RABL3: variants seen among roughly 807,000 people sequenced by gnomAD.
The protein encoded by RABL3 is RAB, member of RAS oncogene family like 3, also known as rab-like protein 3.
In RABL3, 31 loss-of-function variants were observed where a neutral mutation model predicts 31.8. That is an observed-to-expected ratio of 0.97 (90% confidence interval 0.73 to 1.31). The LOEUF (loss-of-function observed/expected upper bound fraction) is 1.31, where lower values mean the gene tolerates loss of function less well. Ranked by LOEUF, RABL3 falls within the 40% of genes most tolerant of loss-of-function variation. The probability of loss-of-function intolerance (pLI) is 0.00; values close to 1 mark genes in which losing one functional copy is unlikely to be tolerated. For missense variants in RABL3, 263 were observed against 279.6 expected, an observed-to-expected ratio of 0.94 and a Z score of 0.42; for synonymous variants, 97 against 99.9, an observed-to-expected ratio of 0.97 and a Z score of 0.18.
In RABL3 at chr3:120,689,495, C is replaced by T. The variant is rs1708354046; in HGVS notation, c.*328G>A. 1 of 194,074 alleles carries T rather than the reference C, an allele frequency of 5.2e-6. No individual in the cohort carries two copies. Among genetic ancestry groups the T allele is most frequent in the Admixed American group, 5.9e-5 (1 of 16,954 alleles). 12.0% of individuals were successfully genotyped at this position (194,074 alleles called of 1,614,324 possible). A position where few individuals can be genotyped will look rare whatever the true frequency, so the allele number is the denominator to read the frequency against. ...TGGGAAAATTACAGACCCATAAAAA[C>T]CCTCCAGTTCTAGGCAAGAGTAAAT... On this transcript the variant is annotated 3_prime_UTR_variant, in exon 8 of 8. Transcript: ENST00000273375.
intron 3 of RABL3, among the ~76,000 whole-genome samples, chr3:120,709,134 A>G (rs1257773542): frequency 6.6e-6 from 1 of 151,936 alleles, no homozygotes; most frequent in Non-Finnish European, 1.5e-5. Context: ...TTTAAAAATG[A>G]ATTTTTAAAA....
At position 120,686,425 on chromosome 3, in the gene RABL3, C is replaced by T. The variant is rs1050885671; in HGVS notation, c.*3398G>A. Among the ~76,000 whole-genome samples the T allele has an allele frequency of 2.0e-5, 3 of 152,166 alleles. No individual in the cohort carries two copies. The highest frequency in any genetic ancestry group is 4.4e-5 in the Non-Finnish European group (3 of 68,034). Reference sequence around the variant, plus strand: ...TCTGATTACAAGGAGCAATTAGGAGCTCTTCACCTCAGTCTGATGTCCCTG... The same window carrying T: ...TCTGATTACAAGGAGCAATTAGGAGTTCTTCACCTCAGTCTGATGTCCCTG... On this transcript the variant is annotated 3_prime_UTR_variant, in exon 8 of 8. Coordinates refer to ENST00000273375, the MANE Select transcript of RABL3 (RefSeq NM_173825.5).
chr3:120,686,739 G>C lies in RABL3; in HGVS notation c.*3084C>G, dbSNP rs1050915515. 6.6e-6 allele frequency: 1 copy of C among 152,148 alleles called. No individual in the cohort carries two copies. The highest frequency in any genetic ancestry group is 1.5e-5 in the Non-Finnish European group (1 of 68,032). The allele number at this position is 152,148 out of a possible 1,614,324, so 9.4% of individuals were successfully genotyped here. On this transcript the variant is annotated 3_prime_UTR_variant, in exon 8 of 8. Transcript: ENST00000273375. ...AAGTTTTACATGACAGGAATCTTCAGAAATGAAGACAAAAAAGAAATAGGA... is the reference window on the plus strand; with the variant it reads ...AAGTTTTACATGACAGGAATCTTCACAAATGAAGACAAAAAAGAAATAGGA...
intron 4 of RABL3, among the ~76,000 whole-genome samples, chr3:120,699,563 G>T (rs1405899663): frequency 6.6e-6 from 1 of 152,164 alleles, no homozygotes; most frequent in Non-Finnish European, 1.5e-5. Context: ...CACAATTTAT[G>T]ACAGTAAATC....
chr3:120,685,018 C>G lies in RABL3; in HGVS notation c.*4805G>C, dbSNP rs945037854. 6.6e-6 allele frequency among the ~76,000 whole-genome samples: 1 copy of G among 152,184 alleles called. No individual in the cohort carries two copies. Among genetic ancestry groups the G allele is most frequent in the African/African-American group, 2.4e-5 (1 of 41,440 alleles). The stretch of plus-strand genomic sequence containing the variant: ...TTATTTAACAATTTTTGAAAACCAT[C>G]ACAACATAGTGTAAGTGCTCTGACA... On this transcript the variant is annotated 3_prime_UTR_variant, in exon 8 of 8. Transcript: ENST00000273375.
chr3:120,737,941 G>C (rs1211660547), intron 1 of RABL3, among the ~76,000 whole-genome samples: 3 of 152,212 alleles, frequency 2.0e-5, no homozygotes, highest in Non-Finnish European at 4.4e-5. Flanking sequence ...GCCCCTACTG[G>C]AGGGTGCCTC....
At chr3:120,701,792 A>T (rs1576333674) in intron 4 of RABL3, among the ~76,000 whole-genome samples, 2 of 152,228 alleles carry the variant, frequency 1.3e-5, no homozygotes, top group Admixed American at 1.3e-4. Context: ...TGCTTCAATC[A>T]AAAGATAGAA....
chr3:120,687,547 A>C lies in RABL3; in HGVS notation c.*2276T>G, dbSNP rs956782872. 5 of 152,246 alleles carry C rather than the reference A, an allele frequency of 3.3e-5. No homozygotes were observed. Among genetic ancestry groups the C allele is most frequent in the Non-Finnish European group, 7.3e-5 (5 of 68,028 alleles). 9.4% of individuals were successfully genotyped at this position (152,246 alleles called of 1,614,324 possible). Reference sequence around the variant, plus strand: ...GAAGTCCTAGCAAAAATTGTGCTTCATTCTTTTTTGAATAACTCTAGCTAA... The same window carrying C: ...GAAGTCCTAGCAAAAATTGTGCTTCCTTCTTTTTTGAATAACTCTAGCTAA... On this transcript the variant is annotated 3_prime_UTR_variant, in exon 8 of 8. Coordinates refer to ENST00000273375, the MANE Select transcript of RABL3 (RefSeq NM_173825.5).
At chr3:120,698,685 C>T (rs918980650) in intron 4 of RABL3, 112 bp from the exon 5 acceptor site, 4 of 877,948 alleles carry the variant, frequency 4.6e-6, no homozygotes, top group African/African-American at 3.4e-5. Flanking sequence ...CTGATTTTTG[C>T]TGCCTTCACC....
At chr3:120,732,478 TA>T (rs1328835180) in intron 1 of RABL3, among the ~76,000 whole-genome samples, 1 of 152,180 alleles carries the variant, frequency 6.6e-6, no homozygotes, top group Admixed American at 6.5e-5. Flanking sequence ...TTATTCATCT[TA>T]AAAAAATGAT....
intron 1 of RABL3, among the ~76,000 whole-genome samples, chr3:120,731,263 T>TC (rs940092602): frequency 2.3e-4 from 35 of 152,302 alleles, no homozygotes; most frequent in Admixed American, 1.0e-3. Context: ...TGAGGTCCCC[T>TC]CCATGGCATC....
Position 120,730,703 on chromosome 3 carries a change from T to C in RABL3, c.131A>G (p.Asp44Gly). 6.2e-7 allele frequency: 1 copy of C among 1,609,796 alleles called. No homozygotes were observed. Among genetic ancestry groups the C allele is most frequent in the Non-Finnish European group, 8.5e-7 (1 of 1,177,262 alleles). ...NPSWTVGCSVDVRVHDYKEGT... is the reference protein window; with the variant it reads ...NPSWTVGCSVGVRVHDYKEGT... Reference sequence around the variant, plus strand: ...AATATAAAAGACACATACTCTGACATCCACTGAGCAGCCCACAGTCCATGA... The same window carrying C: ...AATATAAAAGACACATACTCTGACACCCACTGAGCAGCCCACAGTCCATGA... The change falls in exon 2 of 8, where the codon GAT becomes GGT. Residue 44 changes from aspartate (D) to glycine (G), a missense_variant. Asp to Gly is a moderately conservative substitution (Grantham distance 94, BLOSUM62 -1). Transcript: ENST00000273375.
chr3:120,724,762 A>G (rs1455187051), intron 2 of RABL3, among the ~76,000 whole-genome samples: 1 of 152,134 alleles, frequency 6.6e-6, no homozygotes, highest in East Asian at 1.9e-4. Flanking sequence ...GAAAGCTGAA[A>G]CTGGATCCCT....
At chr3:120,737,684 C>T (rs551020488) in intron 1 of RABL3, among the ~76,000 whole-genome samples, 2 of 152,238 alleles carry the variant, frequency 1.3e-5, no homozygotes, top group African/African-American at 2.4e-5. Context: ...ATGATGGAGT[C>T]GGACAGATGG....
intron 5 of RABL3, 88 bp from the exon 6 acceptor site, chr3:120,694,312 T>C (rs1330908057): frequency 5.1e-6 from 4 of 787,000 alleles, no homozygotes; most frequent in South Asian, 1.6e-5. Flanking sequence ...CATATTTCTG[T>C]AGGCATAATA....
intron 2 of RABL3, among the ~76,000 whole-genome samples, chr3:120,716,880 A>C (rs1461573006): frequency 6.6e-6 from 1 of 152,250 alleles, no homozygotes; most frequent in Non-Finnish European, 1.5e-5. Flanking sequence ...AGTGATTTAC[A>C]TGTCCATGAC....
chr3:120,720,603 A>T (rs960191533), intron 2 of RABL3, among the ~76,000 whole-genome samples: 3 of 152,198 alleles, frequency 2.0e-5, no homozygotes, highest in African/African-American at 7.2e-5. Context: ...AGATCAAATG[A>T]ATGAAATGAA....
At chr3:120,741,422 T>A (rs1038871210) in intron 1 of RABL3, among the ~76,000 whole-genome samples, 13 of 152,220 alleles carry the variant, frequency 8.5e-5, no homozygotes, top group African/African-American at 3.1e-4. Flanking sequence ...TAGTTTCTAT[T>A]AAGTTTTCAA....
intron 3 of RABL3, among the ~76,000 whole-genome samples, chr3:120,707,230 A>G (rs1490867157): frequency 6.6e-6 from 1 of 152,146 alleles, no homozygotes; most frequent in Non-Finnish European, 1.5e-5. Flanking sequence ...GACTTGTTCC[A>G]GCCAGCTTAG....
Sources: allele counts gnomAD v4.1 joint callset (sites outside exome capture counted in the v4.1 genomes callset), GRCh38; gene constraint gnomAD v4.1.1; transcripts MANE v1.5; gene names NCBI Gene and HGNC (gene_info 2026-07-23, HGNC 2026-07-21).